The following ATP8B4 variants were observed in gnomAD, a reference collection of about 807,000 sequenced individuals.
ATP8B4 encodes probable phospholipid-transporting ATPase IM.
In ATP8B4, 133 loss-of-function variants were observed where a neutral mutation model predicts 145.6. That is an observed-to-expected ratio of 0.91 (90% CI 0.79 to 1.05). The LOEUF (loss-of-function observed/expected upper bound fraction) is 1.05. Ranked by LOEUF, ATP8B4 falls within the 50% of genes least tolerant of loss-of-function variation. The probability of loss-of-function intolerance (pLI) is 0.00; values close to 1 mark genes in which losing one functional copy is unlikely to be tolerated. For missense variants in ATP8B4, 1,458 were observed against 1,425.2 expected (o/e 1.02, Z -0.37); for synonymous variants, 507 against 492.9 (o/e 1.03, Z -0.38).
chr15:50,088,297 G>A (rs2055354164), intron 2 of ATP8B4, among the ~76,000 whole-genome samples: 1 of 151,870 alleles, frequency 6.6e-6, no homozygotes, highest in Admixed American at 6.6e-5. Flanking sequence ...CTTGAACCCG[G>A]GAGGCGTCTC....
chr15:50,035,918 C>A (rs530793915), intron 6 of ATP8B4, among the ~76,000 whole-genome samples: 1 of 152,338 alleles, frequency 6.6e-6, no homozygotes, highest in African/African-American at 2.4e-5. Context: ...AGGGAAGCCA[C>A]AAGCACCTGG....
At chr15:49,909,897 C>A (rs2039053363) in intron 20 of ATP8B4, among the ~76,000 whole-genome samples, 1 of 152,006 alleles carries the variant, frequency 6.6e-6, no homozygotes, top group Non-Finnish European at 1.5e-5. Context: ...GACTGTTATA[C>A]CAGATGTGCA....
intron 1 of ATP8B4, among the ~76,000 whole-genome samples, chr15:50,153,298 G>T (rs1288144811): frequency 2.0e-5 from 3 of 151,208 alleles, no homozygotes; most frequent in African/African-American, 4.9e-5. Context: ...TGACAAAAAA[G>T]TTGAAGGAAA....
chr15:49,992,394 A>G (rs758707529), intron 9 of ATP8B4, among the ~76,000 whole-genome samples: 17 of 152,330 alleles, frequency 1.1e-4, no homozygotes, highest in South Asian at 6.2e-4. Context: ...CCCAGTCTTA[A>G]CAAATCCCTT....
chr15:49,971,314 A>G (rs960799435), intron 13 of ATP8B4, among the ~76,000 whole-genome samples: 1 of 152,248 alleles, frequency 6.6e-6, no homozygotes, highest in Non-Finnish European at 1.5e-5. Context: ...AAAAGAAACT[A>G]TCATCAGAGT....
At chr15:50,132,791 T>A (rs1482053061) in intron 1 of ATP8B4, among the ~76,000 whole-genome samples, 5 of 152,086 alleles carry the variant, frequency 3.3e-5, no homozygotes, top group Non-Finnish European at 7.3e-5. Flanking sequence ...CAAAAAAGGA[T>A]GAGTTCATGT....
At chr15:49,949,340 T>C (rs917565568) in intron 14 of ATP8B4, among the ~76,000 whole-genome samples, 7 of 152,338 alleles carry the variant, frequency 4.6e-5, no homozygotes, top group African/African-American at 1.4e-4. Flanking sequence ...CTCTCTTATG[T>C]CCTTGAGCAG....
chr15:49,957,296 G>C (rs1007794841), intron 14 of ATP8B4, among the ~76,000 whole-genome samples: 2 of 151,916 alleles, frequency 1.3e-5, no homozygotes, highest in African/African-American at 2.4e-5. Context: ...GTAAACACTT[G>C]AGAGTATACA....
intron 1 of ATP8B4, among the ~76,000 whole-genome samples, chr15:50,162,481 A>C (rs1040355110): frequency 6.6e-6 from 1 of 151,530 alleles, no homozygotes; most frequent in Non-Finnish European, 1.5e-5. Flanking sequence ...GCTATTTTCT[A>C]TATCTTATAG....
intron 22 of ATP8B4, 58 bp from the exon 23 acceptor site, chr15:49,897,573 A>G: frequency 7.3e-7 from 1 of 1,361,502 alleles, no homozygotes; most frequent in South Asian, 2.0e-5. Flanking sequence ...CTCTTTTGGA[A>G]ACTTGTCATT....
intron 5 of ATP8B4, 89 bp from the exon 6 acceptor site, chr15:50,038,918 A>G (rs763814555): frequency 3.5e-6 from 4 of 1,146,614 alleles, no homozygotes; most frequent in African/African-American, 1.5e-5. Context: ...GAGTTCATCC[A>G]TTTAAACTGT....
At chr15:49,908,612 G>C (rs1168083932) in intron 20 of ATP8B4, among the ~76,000 whole-genome samples, 2 of 152,110 alleles carry the variant, frequency 1.3e-5, no homozygotes, top group African/African-American at 4.8e-5. Flanking sequence ...GCCCCAGAGA[G>C]GGAGCTCACA....
chr15:50,073,015 T>TACACACAC (rs1471738032), intron 3 of ATP8B4, among the ~76,000 whole-genome samples: 1 of 35,880 alleles, frequency 2.8e-5, no homozygotes, highest in African/African-American at 1.3e-4. Context: ...TATATATATA[T>TACACACAC]ATATACACAC....
rs146876579 is a variant in ATP8B4, at chr15:49,892,535, A to T, written c.2697+4757T>A. 2.0e-3 allele frequency among the ~76,000 whole-genome samples: 310 copies of T among 152,304 alleles called. 1 individual carries two copies. The highest frequency in any genetic ancestry group is 7.2e-3 in the African/African-American group (301 of 41,566). On this transcript the variant is annotated intron_variant, in intron 23 of 27. Transcript: ENST00000284509. ...CTTGTTATCATTTTGCTCTTTGTACATCTTATTGTTTTCAAAACACTAGAA... is the reference window on the plus strand; with the variant it reads ...CTTGTTATCATTTTGCTCTTTGTACTTCTTATTGTTTTCAAAACACTAGAA...
chr15:49,866,508 C>T (rs372891999), intron 25 of ATP8B4, 24 bp from the exon 26 acceptor site: 48 of 1,611,144 alleles, frequency 3.0e-5, no homozygotes, highest in African/African-American at 5.3e-5. Flanking sequence ...CAAATGCAAA[C>T]GGGAGGTCTT....
intron 3 of ATP8B4, among the ~76,000 whole-genome samples, chr15:50,073,587 T>C (rs2053989858): frequency 6.6e-6 from 1 of 152,236 alleles, no homozygotes; most frequent in East Asian, 1.9e-4. Context: ...TTATTTATAA[T>C]CCTTTGGGTA....
At chr15:50,145,286 T>C (rs8038523) in intron 1 of ATP8B4, among the ~76,000 whole-genome samples, 2,926 of 152,312 alleles carry the variant, frequency 0.019, 96 homozygotes, top group African/African-American at 0.067. Flanking sequence ...TTTTTTAACA[T>C]TTGCTGTTTA....
intron 24 of ATP8B4, among the ~76,000 whole-genome samples, chr15:49,879,045 A>G (rs574888435): frequency 6.6e-6 from 1 of 152,386 alleles, no homozygotes; most frequent in East Asian, 1.9e-4. Context: ...GAAAACATAT[A>G]CAGTCATAGA....
chr15:50,000,398 C>T (rs1184230045), intron 8 of ATP8B4, among the ~76,000 whole-genome samples: 1 of 152,064 alleles, frequency 6.6e-6, no homozygotes, highest in South Asian at 2.1e-4. Flanking sequence ...TCTGATAGGT[C>T]TGTAGTGAGA....
Sources: gnomAD v4.1 joint callset for allele counts (sites outside exome capture counted in the v4.1 genomes callset) on GRCh38, gnomAD v4.1.1 for gene constraint, MANE v1.5 for transcripts, NCBI Gene and HGNC (gene_info 2026-07-23, HGNC 2026-07-21) for gene names.